CCDC91: variants seen among roughly 807,000 people sequenced by gnomAD.
The protein encoded by CCDC91 is coiled-coil domain-containing protein 91.
In CCDC91, 48 loss-of-function variants were observed where a neutral mutation model predicts 63.2. The observed-to-expected ratio is 0.76, with a 90% CI of 0.60 to 0.97. The LOEUF (loss-of-function observed/expected upper bound fraction) is 0.97, where lower values mean the gene tolerates loss of function less well. Ranked by LOEUF, CCDC91 falls within the 50% of genes least tolerant of loss-of-function variation. The pLI is 0.00. For synonymous variants in CCDC91, 167 were observed against 165.8 expected (o/e 1.01, Z -0.06); for missense variants, 500 against 494.6 (o/e 1.01, Z -0.10).
chr12:28,289,553 C>T (rs1219414690), intron 3 of CCDC91, among the ~76,000 whole-genome samples: 1 of 151,882 alleles, frequency 6.6e-6, no homozygotes, highest in African/African-American at 2.4e-5. Flanking sequence ...ATGTTTGTTA[C>T]GATTTCAGTT....
At chr12:28,390,057 A>G (rs1368602814) in intron 7 of CCDC91, among the ~76,000 whole-genome samples, 1 of 152,142 alleles carries the variant, frequency 6.6e-6, no homozygotes, top group African/African-American at 2.4e-5. Flanking sequence ...TTCCTTTACT[A>G]ATGTGCTAGT....
At chr12:28,200,777 A>G (rs1438092776) in intron 1 of CCDC91, among the ~76,000 whole-genome samples, 101 of 151,550 alleles carry the variant, frequency 6.7e-4, no homozygotes, top group Non-Finnish European at 1.2e-3. Context: ...CCTGTTCTCA[A>G]TGAGCTGTTG....
Position 28,299,916 on chromosome 12 carries a change from A to G in CCDC91, c.110-5733A>G, listed in dbSNP as rs556655645. Among the ~76,000 whole-genome samples, 4 of 151,120 alleles carry G rather than the reference A, an allele frequency of 2.6e-5. No individual in the cohort carries two copies. The South Asian group carries it at 8.4e-4, about 32-fold the overall frequency. ...TTGGCCCTTATCTGTGATACATGTT[A>G]TACATATTATTGTTTTCCCCAGGTT... On this transcript the variant is annotated intron_variant, in intron 3 of 12. Transcript: ENST00000536442.
chr12:28,214,380 A>G (rs1188286636), intron 1 of CCDC91, among the ~76,000 whole-genome samples: 1 of 152,114 alleles, frequency 6.6e-6, no homozygotes, highest in East Asian at 1.9e-4. Flanking sequence ...CAACCCAAGC[A>G]GGAGTACTAT....
chr12:28,266,309 C>A (rs765429756), intron 3 of CCDC91, among the ~76,000 whole-genome samples: 1 of 151,990 alleles, frequency 6.6e-6, no homozygotes, highest in Non-Finnish European at 1.5e-5. Flanking sequence ...TCTTTGCCTT[C>A]AGCTAACTAT....
intron 11 of CCDC91, among the ~76,000 whole-genome samples, chr12:28,473,890 T>G (rs1313868470): frequency 6.6e-6 from 1 of 152,092 alleles, no homozygotes; most frequent in Non-Finnish European, 1.5e-5. Context: ...CTTTTAAAAC[T>G]CACCATTGGT....
rs1565700079 is a variant in CCDC91 at position 28,267,836 on chromosome 12, T to TA, written c.109+8395dup. Among the ~76,000 whole-genome samples, 41 of 26,906 alleles carry TA rather than the reference T, an allele frequency of 1.5e-3. 3 individuals carry two copies. Among genetic ancestry groups the TA allele is most frequent in the South Asian group, 5.5e-3 (5 of 902 alleles). 17.7% of individuals were successfully genotyped at this position (26,906 alleles called of 152,430 possible). ...TATAATTATATTATTAATATATAATTATATATAATTATATAGTAATATATA... is the reference window on the plus strand; with the variant it reads ...TATAATTATATTATTAATATATAATTAATATATAATTATATAGTAATATATA... On this transcript the variant is annotated intron_variant, in intron 3 of 12. Transcript: ENST00000536442.
rs1346596305 is a variant in CCDC91, at chr12:28,504,938, A to G, written c.1215+20773A>G. ...CTTGCAACAAAAATGACAGATCAGT[A>G]GTGGCACTTACAGAAAAACCTAAAC... On this transcript the variant is annotated intron_variant, in intron 12 of 12. Coordinates refer to ENST00000536442, the MANE Select transcript of CCDC91 (RefSeq NM_018318.5). Among the ~76,000 whole-genome samples the G allele has an allele frequency of 2.0e-5, 3 of 151,988 alleles. No homozygotes were observed. The East Asian group carries it at 5.8e-4, about 29-fold the overall frequency.
chr12:28,536,246 G>A (rs1942166485), intron 12 of CCDC91, among the ~76,000 whole-genome samples: 1 of 152,098 alleles, frequency 6.6e-6, no homozygotes, highest in African/African-American at 2.4e-5. Context: ...AAGCTTTTAC[G>A]CCAGCTCATA....
intron 3 of CCDC91, among the ~76,000 whole-genome samples, chr12:28,269,197 T>C (rs1353611731): frequency 1.3e-5 from 2 of 152,124 alleles, no homozygotes; most frequent in African/African-American, 4.8e-5. Flanking sequence ...TCCCTCTTTT[T>C]AAAGGTTGGG....
At chr12:28,531,719 CT>C (rs1469440488) in intron 12 of CCDC91, among the ~76,000 whole-genome samples, 1 of 152,166 alleles carries the variant, frequency 6.6e-6, no homozygotes, top group East Asian at 1.9e-4. Context: ...GTAATTGTCT[CT>C]TCTATATTTT....
chr12:28,334,211 C>CT (rs1941749337), intron 6 of CCDC91, among the ~76,000 whole-genome samples: 2 of 152,032 alleles, frequency 1.3e-5, no homozygotes, highest in Non-Finnish European at 2.9e-5. Flanking sequence ...GGGAGACTTG[C>CT]TTCCAAACAA....
At chr12:28,240,370 A>G (rs1411470973) in intron 1 of CCDC91, among the ~76,000 whole-genome samples, 1 of 151,708 alleles carries the variant, frequency 6.6e-6, no homozygotes, top group Non-Finnish European at 1.5e-5. Flanking sequence ...CTTTTTGTTT[A>G]TCTCACAATT....
intron 8 of CCDC91, among the ~76,000 whole-genome samples, chr12:28,438,059 A>G (rs149328405): frequency 6.6e-6 from 1 of 152,246 alleles, no homozygotes; most frequent in East Asian, 1.9e-4. Flanking sequence ...GATGTTTATG[A>G]CACTTAAGCA....
At chr12:28,462,616 T>C (rs879825842) in intron 11 of CCDC91, among the ~76,000 whole-genome samples, 1 of 152,138 alleles carries the variant, frequency 6.6e-6, no homozygotes, top group Admixed American at 6.6e-5. Context: ...GGGAAACAAA[T>C]CCACATGTTC....
At chr12:28,495,906 A>G (rs1301747013) in intron 12 of CCDC91, among the ~76,000 whole-genome samples, 2 of 151,614 alleles carry the variant, frequency 1.3e-5, no homozygotes, top group Admixed American at 6.6e-5. Flanking sequence ...GCTGCACACT[A>G]TGAACTACCA....
chr12:28,398,292 T>C (rs1946409878), intron 8 of CCDC91, among the ~76,000 whole-genome samples: 1 of 152,154 alleles, frequency 6.6e-6, no homozygotes, highest in Admixed American at 6.5e-5. Context: ...TATCTATTCT[T>C]GTATGTCTAG....
At chr12:28,479,031 C>A (rs939417906) in intron 11 of CCDC91, among the ~76,000 whole-genome samples, 3 of 152,130 alleles carry the variant, frequency 2.0e-5, no homozygotes, top group Admixed American at 1.3e-4. Context: ...TAAATTAGTT[C>A]AACCATCGTG....
intron 12 of CCDC91, among the ~76,000 whole-genome samples, chr12:28,486,491 C>T (rs747879560): frequency 1.3e-5 from 2 of 152,052 alleles, no homozygotes; most frequent in Non-Finnish European, 2.9e-5. Flanking sequence ...AAAGCAAACT[C>T]ATTCATAAGA....
Sources: gnomAD v4.1 joint callset for allele counts (sites outside exome capture counted in the v4.1 genomes callset) on GRCh38, gnomAD v4.1.1 for gene constraint, MANE v1.5 for transcripts, NCBI Gene and HGNC (gene_info 2026-07-23, HGNC 2026-07-21) for gene names.